ADK: variants seen among roughly 807,000 people sequenced by gnomAD.
ADK encodes the protein adenosine kinase.
ADK carries 24 observed loss-of-function variants against 44.7 expected under a neutral mutation model. The observed-to-expected ratio is 0.54, with a 90% confidence interval of 0.39 to 0.76. ADK has a LOEUF of 0.76. Ranked by LOEUF, ADK falls within the 30% of genes least tolerant of loss-of-function variation. The pLI is 0.00. For missense variants in ADK, 321 were observed against 425.1 expected (o/e 0.76, Z 2.15); for synonymous variants, 128 against 142.6 (o/e 0.90, Z 0.73).
At position 74,186,485 on chromosome 10, in the gene ADK, G is replaced by A. The variant is rs746653600; in HGVS notation, c.66-14279G>A. Among the ~76,000 whole-genome samples, 122 of 151,698 alleles carry A rather than the reference G, an allele frequency of 8.0e-4. 1 individual carries two copies. The highest frequency in any genetic ancestry group is 6.0e-3 in the Admixed American group (91 of 15,220). ...TTTGTAACAATGCCGGGGGAGTGGG[G>A]TGGGGGTGGGGTCTTGCTATGTTGC... On this transcript the variant is annotated intron_variant, in intron 1 of 10. Coordinates refer to ENST00000539909, the MANE Select transcript of ADK (RefSeq NM_006721.4).
intron 6 of ADK, among the ~76,000 whole-genome samples, chr10:74,452,405 G>A (rs768386602): frequency 1.3e-5 from 2 of 151,950 alleles, no homozygotes; most frequent in African/African-American, 2.4e-5. Context: ...ACATATGAAT[G>A]TAGTGGGAAG....
intron 6 of ADK, among the ~76,000 whole-genome samples, chr10:74,475,880 ACT>A (rs1846817615): frequency 1.3e-5 from 2 of 152,128 alleles, no homozygotes; most frequent in Admixed American, 1.3e-4. Flanking sequence ...GCATCTGAGC[ACT>A]GTTTTCTCGT....
At position 74,304,484 on chromosome 10, in the gene ADK, AC is replaced by A. The variant is rs369509049; in HGVS notation, c.195-10182del. 3.2e-4 allele frequency among the ~76,000 whole-genome samples: 48 copies of A among 152,296 alleles called. No individual in the cohort carries two copies. In the East Asian group the frequency reaches 4.8e-3, roughly 15 times the overall value. ...TGATTTTGTTTTTTCTTGCTGGGTA[AC>A]ATATCTGTGTTAATCGAAAATTTAT... On this transcript the variant is annotated intron_variant, in intron 3 of 10. Transcript: ENST00000539909.
chr10:74,208,034 GC>G lies in ADK; in HGVS notation c.140+7200del, dbSNP rs139769614. On this transcript the variant is annotated intron_variant, in intron 2 of 10. Coordinates refer to ENST00000539909, the MANE Select transcript of ADK (RefSeq NM_006721.4). ...GGCAGGGGGCTGGTATGTCAGTGCT[GC>G]CCCGAGCACATGCACACCTGCTGGG... is the stretch of plus-strand genomic sequence containing the variant. Among the ~76,000 whole-genome samples the G allele has an allele frequency of 7.1e-3, 1,089 of 152,346 alleles. 13 individuals carry two copies. The highest frequency in any genetic ancestry group is 0.025 in the African/African-American group (1,047 of 41,580).
chr10:74,455,994 C>T (rs1400303975), intron 6 of ADK, among the ~76,000 whole-genome samples: 1 of 152,032 alleles, frequency 6.6e-6, no homozygotes, highest in East Asian at 1.9e-4. Flanking sequence ...GGTTGTTCTT[C>T]TCGATATGTA....
chr10:74,639,543 A>C (rs1257564830), intron 9 of ADK, among the ~76,000 whole-genome samples: 3 of 152,198 alleles, frequency 2.0e-5, no homozygotes, highest in Non-Finnish European at 4.4e-5. Flanking sequence ...GCTATTACGA[A>C]GTAGCAAGAG....
At chr10:74,429,573 A>G (rs1221739681) in intron 6 of ADK, among the ~76,000 whole-genome samples, 1 of 152,194 alleles carries the variant, frequency 6.6e-6, no homozygotes, top group Non-Finnish European at 1.5e-5. Flanking sequence ...AGTTCTTTCA[A>G]TCAAGTTAGG....
At chr10:74,606,969 C>T (rs1366343873) in intron 9 of ADK, among the ~76,000 whole-genome samples, 1 of 152,126 alleles carries the variant, frequency 6.6e-6, no homozygotes, top group Non-Finnish European at 1.5e-5. Flanking sequence ...GAATTGATCC[C>T]TTTACCATTA....
At chr10:74,461,676 C>G (rs1008064973) in intron 6 of ADK, among the ~76,000 whole-genome samples, 1 of 152,020 alleles carries the variant, frequency 6.6e-6, no homozygotes, top group Non-Finnish European at 1.5e-5. Context: ...ACTTCCTAAG[C>G]TAGATTTATC....
At chr10:74,278,704 C>T (rs187520197) in intron 3 of ADK, among the ~76,000 whole-genome samples, 137 of 151,922 alleles carry the variant, frequency 9.0e-4, no homozygotes, top group African/African-American at 3.2e-3. Context: ...ATATATTGCC[C>T]AGGCAGAAGT....
intron 7 of ADK, chr10:74,527,801 C>G: frequency 6.6e-7 from 1 of 1,509,370 alleles, no homozygotes; most frequent in Non-Finnish European, 9.2e-7. Flanking sequence ...GGGCATACTT[C>G]AGCGATCCTT....
rs1014569172 is a variant in ADK, at chr10:74,381,724, T to C, written c.274-12417T>C. Among the ~76,000 whole-genome samples the C allele has an allele frequency of 8.5e-5, 13 of 152,206 alleles. 1 individual carries two copies. The highest frequency in any genetic ancestry group is 1.6e-4 in the Non-Finnish European group (11 of 68,040). ...GTTTCAATCTCAGCAAATGGCTTGTTATGTGACTGAGTGAAAATATCTTTG... is the reference window on the plus strand; with the variant it reads ...GTTTCAATCTCAGCAAATGGCTTGTCATGTGACTGAGTGAAAATATCTTTG... On this transcript the variant is annotated intron_variant, in intron 4 of 10. Transcript: ENST00000539909.
intron 3 of ADK, among the ~76,000 whole-genome samples, chr10:74,230,684 CT>C (rs35111858): frequency 0.44 from 62,204 of 140,568 alleles, 15,047 homozygotes; most frequent in Middle Eastern, 0.58. Context: ...CAGCCAGTAA[CT>C]TTTTTTTTTT....
chr10:74,324,106 T>C (rs1259025270), intron 4 of ADK, among the ~76,000 whole-genome samples: 1 of 152,116 alleles, frequency 6.6e-6, no homozygotes, highest in Admixed American at 6.5e-5. Flanking sequence ...CACTGCAGCT[T>C]CCAACTCCTA....
At chr10:74,382,226 G>A (rs1842994317) in intron 4 of ADK, among the ~76,000 whole-genome samples, 1 of 152,106 alleles carries the variant, frequency 6.6e-6, no homozygotes, top group South Asian at 2.1e-4. Context: ...AGCCTCCTGA[G>A]TAGCTAGAAC....
chr10:74,413,992 C>T (rs1844279452), intron 6 of ADK, among the ~76,000 whole-genome samples: 2 of 152,150 alleles, frequency 1.3e-5, no homozygotes. Flanking sequence ...GAAAACACAG[C>T]ATTTATCAGT....
intron 6 of ADK, among the ~76,000 whole-genome samples, chr10:74,450,025 G>A (rs1244424099): frequency 6.6e-6 from 1 of 152,120 alleles, no homozygotes; most frequent in African/African-American, 2.4e-5. Context: ...AAGACTCAGG[G>A]CCAGGCACAT....
At chr10:74,656,155 A>T (rs913197919) in intron 9 of ADK, 5 of 298,762 alleles carry the variant, frequency 1.7e-5, no homozygotes, top group East Asian at 1.6e-4. Context: ...ATGGAGGAGG[A>T]TGGCGGCTGC....
At chr10:74,666,093 T>C (rs1854948674) in intron 9 of ADK, among the ~76,000 whole-genome samples, 1 of 152,206 alleles carries the variant, frequency 6.6e-6, no homozygotes, top group Non-Finnish European at 1.5e-5. Flanking sequence ...ATTGTTCAAT[T>C]AGATATTGTG....
Sources: gnomAD v4.1 joint callset for allele counts (sites outside exome capture counted in the v4.1 genomes callset) on GRCh38, gnomAD v4.1.1 for gene constraint, MANE v1.5 for transcripts, NCBI Gene and HGNC (gene_info 2026-07-23, HGNC 2026-07-21) for gene names.